Variants in MBNL3 observed in about 807,000 individuals in gnomAD.
MBNL3 encodes muscleblind-like protein 3.
A neutral mutation model predicts 24.5 loss-of-function variants in MBNL3; 6 were observed. The ratio of observed to expected loss-of-function variants is 0.25; its 90% CI spans 0.13 to 0.48. The LOEUF (loss-of-function observed/expected upper bound fraction) is 0.48. Ranked by LOEUF, MBNL3 falls within the 20% of genes least tolerant of loss-of-function variation. MBNL3 has a pLI of 0.99. For missense variants in MBNL3, 230 were observed against 293.5 expected (o/e 0.78, Z 1.58); for synonymous variants, 100 against 101.7 (o/e 0.98, Z 0.10).
At chrX:132,384,118 G>A (rs1467012859) in intron 7 of MBNL3, among the ~76,000 whole-genome samples, 1 of 112,062 alleles carries the variant, frequency 8.9e-6, no homozygotes, top group East Asian at 2.8e-4. Context: ...AAATGATTCT[G>A]TTGTGCCTAG....
intron 1 of MBNL3, among the ~76,000 whole-genome samples, chrX:132,471,062 G>A (rs950171912): frequency 1.1e-4 from 12 of 111,048 alleles, no homozygotes; most frequent in African/African-American, 3.3e-4. Flanking sequence ...AAATAAGAAC[G>A]CTAAATTCAC....
intron 1 of MBNL3, among the ~76,000 whole-genome samples, chrX:132,475,931 C>T (rs1211719929): frequency 1.8e-5 from 2 of 111,608 alleles, no homozygotes; most frequent in African/African-American, 6.5e-5. Flanking sequence ...CAGAAAGGGA[C>T]CCTTAACAGC....
intron 3 of MBNL3, among the ~76,000 whole-genome samples, chrX:132,401,503 C>G (rs1940913663): frequency 9.3e-6 from 1 of 108,064 alleles, no homozygotes; most frequent in African/African-American, 3.4e-5. Flanking sequence ...CCCAGCTACT[C>G]AGGAGGATGG....
intron 2 of MBNL3, among the ~76,000 whole-genome samples, chrX:132,422,684 A>G (rs1943937326): frequency 8.9e-6 from 1 of 112,164 alleles, no homozygotes; most frequent in African/African-American, 3.2e-5. Flanking sequence ...AGGAGGAGGC[A>G]TTAGAGGAAC....
chrX:132,371,719 G>A lies in MBNL3; in HGVS notation c.*7947C>T, dbSNP rs1278649684. 1.8e-5 allele frequency: 2 copies of A among 111,459 alleles called. No homozygotes were observed. Among genetic ancestry groups the A allele is most frequent in the Non-Finnish European group, 3.8e-5 (2 of 52,987 alleles). The allele number at this position is 111,459 out of a possible 1,213,427, so 9.2% of individuals were successfully genotyped here. A position where few individuals can be genotyped will look rare whatever the true frequency, so the allele number is the denominator to read the frequency against. ...AGTAAGCATTCTCTCAAAATTTTAAGTATTCTTTTATTAAAATAGAAGTGT... is the reference window on the plus strand; with the variant it reads ...AGTAAGCATTCTCTCAAAATTTTAAATATTCTTTTATTAAAATAGAAGTGT... On this transcript the variant is annotated 3_prime_UTR_variant, in exon 9 of 9. Coordinates refer to ENST00000370853, the MANE Select transcript of MBNL3 (RefSeq NM_001386889.1).
rs983792810 is a variant in MBNL3, at chrX:132,387,328, C to CA, written c.772-518dup. 5.0e-4 allele frequency among the ~76,000 whole-genome samples: 26 copies of CA among 52,366 alleles called. No homozygotes were observed. In the South Asian group the frequency reaches 0.011, roughly 23 times the overall value. 45.5% of individuals were successfully genotyped at this position (52,366 alleles called of 115,157 possible). A position where few individuals can be genotyped will look rare whatever the true frequency, so the allele number is the denominator to read the frequency against. On this transcript the variant is annotated intron_variant, in intron 5 of 8. Coordinates refer to ENST00000370853, the MANE Select transcript of MBNL3 (RefSeq NM_001386889.1). ...CAACTACATGAGCAGTAGTGCAAAA[C>CA]AAAAAAAAATGCAAAAAAAAAAAAA...
At chrX:132,410,019 CTG>C (rs1310915456) in intron 2 of MBNL3, among the ~76,000 whole-genome samples, 2 of 111,688 alleles carry the variant, frequency 1.8e-5, no homozygotes, top group African/African-American at 6.5e-5. Context: ...TTCCCATCGA[CTG>C]TCTTTGAAAA....
chrX:132,412,981 A>G (rs1334318766), intron 2 of MBNL3, among the ~76,000 whole-genome samples: 1 of 112,609 alleles, frequency 8.9e-6, no homozygotes, highest in Non-Finnish European at 1.9e-5. Flanking sequence ...TGTCATCAAG[A>G]ATGGAAAAAA....
At chrX:132,449,781 G>T (rs1401342115) in intron 1 of MBNL3, among the ~76,000 whole-genome samples, 1 of 110,626 alleles carries the variant, frequency 9.0e-6, no homozygotes, top group Non-Finnish European at 1.9e-5. Context: ...TTGTTGCAGT[G>T]GCTGGTACCG....
intron 1 of MBNL3, among the ~76,000 whole-genome samples, chrX:132,487,115 T>C (rs1227363094): frequency 1.8e-5 from 2 of 111,908 alleles, no homozygotes; most frequent in Admixed American, 1.9e-4. Context: ...TTGTCTATTC[T>C]GGCCTCAAGG....
intron 3 of MBNL3, among the ~76,000 whole-genome samples, chrX:132,400,889 G>A (rs1465203660): frequency 8.9e-6 from 1 of 111,892 alleles, no homozygotes; most frequent in African/African-American, 3.2e-5. Flanking sequence ...TATATTAAGA[G>A]CATATTAACC....
upstream of MBNL3, among the ~76,000 whole-genome samples, chrX:132,489,653 C>G (rs1301260036): frequency 2.7e-5 from 3 of 110,814 alleles, no homozygotes; most frequent in Non-Finnish European, 5.7e-5. Context: ...GGAAACGGCG[C>G]CAGCGAGGGG....
At chrX:132,411,133 C>G in intron 2 of MBNL3, 1 of 752,679 alleles carries the variant, frequency 1.3e-6, no homozygotes, top group Non-Finnish European at 1.6e-6. Context: ...GAACGTTGAC[C>G]CCCATGGAGA....
At chrX:132,478,282 G>C (rs146735428) in intron 1 of MBNL3, among the ~76,000 whole-genome samples, 1,676 of 111,419 alleles carry the variant, frequency 0.015, 25 homozygotes, top group African/African-American at 0.052. Context: ...TCTAGCAATA[G>C]CACTTAGTAA....
At chrX:132,382,144 T>C (rs769153478) in intron 8 of MBNL3, 34 bp downstream of exon 8, 6 of 1,163,260 alleles carry the variant, frequency 5.2e-6, no homozygotes, top group Admixed American at 2.2e-5. Context: ...ATTGTAGTTA[T>C]CTTGATCTGA....
chrX:132,413,141 C>T (rs773235609), intron 2 of MBNL3, among the ~76,000 whole-genome samples: 1 of 111,900 alleles, frequency 8.9e-6, no homozygotes, highest in Non-Finnish European at 1.9e-5. Flanking sequence ...GTCAAATCTC[C>T]TGCTCCTAGG....
At chrX:132,388,842 T>G (rs1356205266) in intron 5 of MBNL3, among the ~76,000 whole-genome samples, 1 of 111,394 alleles carries the variant, frequency 9.0e-6, no homozygotes, top group Non-Finnish European at 1.9e-5. Flanking sequence ...CCACTATGAA[T>G]CCTTAAAAAT....
chrX:132,433,481 G>C (rs562242111), intron 2 of MBNL3, among the ~76,000 whole-genome samples: 11 of 112,101 alleles, frequency 9.8e-5, no homozygotes, highest in African/African-American at 3.2e-4. Context: ...CCCCATCACT[G>C]GGGTATGAAC....
intron 1 of MBNL3, among the ~76,000 whole-genome samples, chrX:132,453,185 C>T (rs1252405316): frequency 9.0e-6 from 1 of 110,941 alleles, no homozygotes; most frequent in Admixed American, 9.6e-5. Flanking sequence ...TGGAAAGTGA[C>T]CTAAGGAGTA....
Sources: gnomAD v4.1 joint callset for allele counts (sites outside exome capture counted in the v4.1 genomes callset) on GRCh38, gnomAD v4.1.1 for gene constraint, MANE v1.5 for transcripts, NCBI Gene and HGNC (gene_info 2026-07-23, HGNC 2026-07-21) for gene names.